Variants in DAB1 observed in about 807,000 individuals in gnomAD.
DAB1 encodes the protein disabled homolog 1.
DAB1 carries 15 observed loss-of-function variants against 64.6 expected under a neutral mutation model. That is an observed-to-expected ratio of 0.23 (90% CI 0.16 to 0.36). The LOEUF is 0.36. Among genes scored for constraint, DAB1 ranks in the 10% least tolerant of loss-of-function variants. The probability of loss-of-function intolerance (pLI) is 1.00; values close to 1 mark genes in which losing one functional copy is unlikely to be tolerated. For synonymous variants in DAB1, 235 were observed against 251.9 expected (o/e 0.93, Z 0.64); for missense variants, 596 against 706.7 (o/e 0.84, Z 1.78).
intron 2 of DAB1, among the ~76,000 whole-genome samples, chr1:58,515,274 T>A (rs1646141928): frequency 1.3e-5 from 2 of 152,194 alleles, no homozygotes; most frequent in African/African-American, 4.8e-5. Context: ...TGCCAATCCC[T>A]CACACCAAGA....
chr1:57,602,586 G>A (rs1645587620), intron 7 of DAB1, among the ~76,000 whole-genome samples: 2 of 152,134 alleles, frequency 1.3e-5, no homozygotes, highest in Non-Finnish European at 2.9e-5. Context: ...TAGCTTAAAT[G>A]GAAACACGAA....
At chr1:57,975,470 C>G (rs1645896856) in intron 5 of DAB1, among the ~76,000 whole-genome samples, 1 of 151,998 alleles carries the variant, frequency 6.6e-6, no homozygotes, top group African/African-American at 2.4e-5. Flanking sequence ...TGACTTGTGT[C>G]CTGAAGGATA....
At chr1:58,016,650 A>C (rs984355847) in intron 5 of DAB1, among the ~76,000 whole-genome samples, 3 of 152,236 alleles carry the variant, frequency 2.0e-5, no homozygotes, top group African/African-American at 7.2e-5. Flanking sequence ...TGAGCTGCTC[A>C]AACTAAAAAG....
At chr1:58,493,989 G>T (rs1645748080) in intron 3 of DAB1, among the ~76,000 whole-genome samples, 1 of 147,144 alleles carries the variant, frequency 6.8e-6, no homozygotes, top group Non-Finnish European at 1.5e-5. Flanking sequence ...AACAAAGCTG[G>T]AGGCATCATG....
chr1:58,074,299 G>A (rs1042326358), intron 5 of DAB1: 2 of 151,778 alleles, frequency 1.3e-5, no homozygotes, highest in Non-Finnish European at 2.9e-5. Flanking sequence ...TTAGAGCAGA[G>A]GAGAGCTACT....
At position 57,455,782 on chromosome 1, in the gene DAB1, G is replaced by C. The variant is rs370361710; in HGVS notation, n.626-164616C>G. ...TGTTGAACATGGAATAAAGAGAAAA[G>C]ACCCTCTCTCCTAATCTTCAGCTGG... On this transcript the variant is annotated intron_variant and non_coding_transcript_variant, in intron 7 of 20. Coordinates refer to the DAB1 transcript ENST00000485760. 1.8e-4 allele frequency among the ~76,000 whole-genome samples: 28 copies of C among 152,172 alleles called. No homozygotes were observed. In the South Asian group the frequency reaches 5.8e-3, roughly 32 times the overall value.
intron 7 of DAB1, among the ~76,000 whole-genome samples, chr1:57,478,172 T>C (rs1643963422): frequency 6.6e-6 from 1 of 152,006 alleles, no homozygotes; most frequent in Non-Finnish European, 1.5e-5. Context: ...GTTTTCAGGG[T>C]CTCAGGGCTG....
chr1:58,202,877 T>C (rs1363308202), intron 4 of DAB1, among the ~76,000 whole-genome samples: 1 of 152,196 alleles, frequency 6.6e-6, no homozygotes, highest in Non-Finnish European at 1.5e-5. Context: ...ATCTGTTTGA[T>C]TAAACTCAGC....
chr1:58,314,028 T>C (rs1662494116), intron 4 of DAB1, among the ~76,000 whole-genome samples: 1 of 152,110 alleles, frequency 6.6e-6, no homozygotes, highest in Non-Finnish European at 1.5e-5. Context: ...CCTAATATCA[T>C]AATTTTTCTT....
At chr1:58,106,338 C>T (rs932449615) in intron 5 of DAB1, among the ~76,000 whole-genome samples, 3 of 151,964 alleles carry the variant, frequency 2.0e-5, no homozygotes, top group South Asian at 2.1e-4. Flanking sequence ...CACCACCACA[C>T]CCAGCTAATT....
intron 7 of DAB1, among the ~76,000 whole-genome samples, chr1:57,567,201 A>G (rs1334775652): frequency 6.6e-6 from 1 of 152,202 alleles, no homozygotes. Context: ...ATAGATGCAG[A>G]AAAGGCCTTT....
At chr1:58,052,081 G>A (rs939228483) in intron 5 of DAB1, among the ~76,000 whole-genome samples, 1 of 152,110 alleles carries the variant, frequency 6.6e-6, no homozygotes, top group African/African-American at 2.4e-5. Flanking sequence ...GGCTTTTGTT[G>A]CCATTACTTT....
chr1:58,134,670 G>A (rs1169379186), intron 5 of DAB1, among the ~76,000 whole-genome samples: 1 of 152,102 alleles, frequency 6.6e-6, no homozygotes, highest in African/African-American at 2.4e-5. Flanking sequence ...TGAAGGGGAC[G>A]GTGATACACA....
upstream of DAB1, among the ~76,000 whole-genome samples, chr1:57,886,315 C>T (rs1041939450): frequency 7.9e-5 from 12 of 152,234 alleles, no homozygotes; most frequent in East Asian, 3.9e-4. Flanking sequence ...CGTGCCAACA[C>T]GCCTGGCTAA....
intron 5 of DAB1, among the ~76,000 whole-genome samples, chr1:58,006,438 A>G (rs138185947): frequency 1.0e-3 from 155 of 152,332 alleles, no homozygotes; most frequent in Admixed American, 3.9e-3. Context: ...ATTAGTAATA[A>G]TATACTACTG....
At chr1:57,941,403 T>C (rs1371819446) in intron 5 of DAB1, among the ~76,000 whole-genome samples, 1 of 152,244 alleles carries the variant, frequency 6.6e-6, no homozygotes, top group Non-Finnish European at 1.5e-5. Context: ...CTGTTTTCTG[T>C]CTGTTAAAAA....
chr1:58,462,958 G>C (rs990264024), intron 3 of DAB1, among the ~76,000 whole-genome samples: 2 of 152,122 alleles, frequency 1.3e-5, no homozygotes, highest in African/African-American at 4.8e-5. Flanking sequence ...CTGTAAAATG[G>C]GGGTAGTTTA....
At chr1:57,304,282 G>A (rs955730098) in intron 1 of DAB1, among the ~76,000 whole-genome samples, 5 of 152,104 alleles carry the variant, frequency 3.3e-5, no homozygotes, top group African/African-American at 7.2e-5. Flanking sequence ...AGACAGCATC[G>A]AGGGATGGCT....
chr1:57,974,677 T>C (rs1645876634), intron 5 of DAB1, among the ~76,000 whole-genome samples: 1 of 152,158 alleles, frequency 6.6e-6, no homozygotes, highest in Non-Finnish European at 1.5e-5. Flanking sequence ...AATGTGCATA[T>C]GCCTTACATA....
Sources: gnomAD v4.1 joint callset for allele counts (sites outside exome capture counted in the v4.1 genomes callset) on GRCh38, gnomAD v4.1.1 for gene constraint, MANE v1.5 for transcripts, NCBI Gene and HGNC (gene_info 2026-07-23, HGNC 2026-07-21) for gene names.